The following CDH13 variants were observed in gnomAD, a reference collection of about 807,000 sequenced individuals.
CDH13 encodes the protein cadherin-13.
In CDH13, 24 loss-of-function variants were observed where a neutral mutation model predicts 63.8. The ratio of observed to expected loss-of-function variants is 0.38; its 90% CI spans 0.27 to 0.53. The LOEUF is 0.53. CDH13 is among the 20% of genes least tolerant of loss of function. The pLI is 0.85. For missense variants in CDH13, 1,049 were observed against 903.1 expected (o/e 1.16, Z -2.07); for synonymous variants, 503 against 355.3 (o/e 1.42, Z -4.67).
intron 1 of CDH13, among the ~76,000 whole-genome samples, chr16:82,756,307 CCTT>C (rs2151076570): frequency 6.6e-6 from 1 of 152,146 alleles, no homozygotes; most frequent in African/African-American, 2.4e-5. Flanking sequence ...AAAGTGATAT[CCTT>C]CTGATAGGGA....
At chr16:83,229,698 G>A (rs2039948803) in intron 5 of CDH13, among the ~76,000 whole-genome samples, 1 of 152,142 alleles carries the variant, frequency 6.6e-6, no homozygotes, top group Admixed American at 6.5e-5. Flanking sequence ...CAAAGGTGCA[G>A]ATGTTTGCAT....
intron 3 of CDH13, among the ~76,000 whole-genome samples, chr16:83,077,832 G>T (rs59803802): frequency 2.0e-5 from 3 of 152,170 alleles, no homozygotes; most frequent in Non-Finnish European, 4.4e-5. Context: ...ACGCGTGAGA[G>T]CAGTGACGGC....
intron 7 of CDH13, among the ~76,000 whole-genome samples, chr16:83,544,993 C>T (rs938381794): frequency 6.6e-6 from 1 of 152,172 alleles, no homozygotes; most frequent in Non-Finnish European, 1.5e-5. Flanking sequence ...TGAGACTTTC[C>T]TTAAACTAAC....
At chr16:83,501,503 T>C (rs1409401002) in intron 7 of CDH13, among the ~76,000 whole-genome samples, 1 of 152,192 alleles carries the variant, frequency 6.6e-6, no homozygotes, top group Non-Finnish European at 1.5e-5. Flanking sequence ...ATCTAATAGG[T>C]GTGAGACAGT....
chr16:82,926,265 T>G (rs1407198763), intron 2 of CDH13, among the ~76,000 whole-genome samples: 7 of 149,444 alleles, frequency 4.7e-5, no homozygotes, highest in Non-Finnish European at 8.9e-5. Context: ...ATGACAGTGT[T>G]CCAGTAAAAC....
intron 4 of CDH13, among the ~76,000 whole-genome samples, chr16:83,137,010 G>A (rs1048767212): frequency 6.6e-6 from 1 of 152,244 alleles, no homozygotes; most frequent in African/African-American, 2.4e-5. Context: ...GAGTAGGGTT[G>A]ACTTCAGCAC....
chr16:83,270,184 C>T (rs538423238), intron 5 of CDH13, among the ~76,000 whole-genome samples: 81 of 152,150 alleles, frequency 5.3e-4, no homozygotes, highest in African/African-American at 1.8e-3. Flanking sequence ...TTGAAATAAG[C>T]CCAAAAAGGG....
intron 5 of CDH13, among the ~76,000 whole-genome samples, chr16:83,250,690 A>C (rs1478843973): frequency 6.6e-6 from 1 of 152,186 alleles, no homozygotes; most frequent in African/African-American, 2.4e-5. Flanking sequence ...TTAGTGAATA[A>C]ATCCAAGAGG....
intron 8 of CDH13, among the ~76,000 whole-genome samples, chr16:83,610,812 A>C (rs956021273): frequency 6.6e-6 from 1 of 152,202 alleles, no homozygotes; most frequent in Admixed American, 6.5e-5. Flanking sequence ...TTTGAAGCTT[A>C]TATGTGTTTC....
In CDH13 at chr16:82,644,774, A is replaced by C. The variant is rs909214358; in HGVS notation, c.45+17637A>C. Among the ~76,000 whole-genome samples the C allele has an allele frequency of 6.6e-6, 1 of 152,172 alleles. No homozygotes were observed. The highest frequency in any genetic ancestry group is 1.5e-5 in the Non-Finnish European group (1 of 68,034). ...GATTCTTAAAGCCTTTCCAGGTAGC[A>C]ACAGGAGATCACGCAAAGCCACGTA... is the stretch of plus-strand genomic sequence containing the variant. On this transcript the variant is annotated intron_variant, in intron 1 of 13. Coordinates refer to ENST00000567109, the MANE Select transcript of CDH13 (RefSeq NM_001257.5). The surrounding 1 kb of genome is among the most constrained non-coding windows in gnomAD (Gnocchi z 5.7).
At chr16:83,538,463 C>T (rs1382760849) in intron 7 of CDH13, among the ~76,000 whole-genome samples, 1 of 152,110 alleles carries the variant, frequency 6.6e-6, no homozygotes, top group African/African-American at 2.4e-5. Context: ...ATTGAAATGA[C>T]TTTTATGAGA....
intron 10 of CDH13, among the ~76,000 whole-genome samples, chr16:83,709,459 T>TA (rs1227520188): frequency 6.6e-6 from 1 of 152,240 alleles, no homozygotes; most frequent in East Asian, 1.9e-4. Context: ...TTTTCCACTC[T>TA]AGGGGTGCCG....
At chr16:83,288,728 G>T (rs746934961) in intron 5 of CDH13, among the ~76,000 whole-genome samples, 1 of 152,170 alleles carries the variant, frequency 6.6e-6, no homozygotes, top group Non-Finnish European at 1.5e-5. Flanking sequence ...AAATTATTTT[G>T]CCTTTCATAA....
rs2033237335 is a variant in CDH13 at position 83,081,324 on chromosome 16, CAGAGGCCTACT to C, written c.367-44058_367-44048del. ...AATGGGATAGACATGGTCTATATTT[CAGAGGCCTACT>C]AGTATACAGTTGAAGACGGGCATTG... On this transcript the variant is annotated intron_variant, in intron 3 of 13. Coordinates refer to ENST00000567109, the MANE Select transcript of CDH13 (RefSeq NM_001257.5). 5.9e-5 allele frequency among the ~76,000 whole-genome samples: 9 copies of C among 152,232 alleles called. No homozygotes were observed. The South Asian group carries it at 1.9e-3, about 32-fold the overall frequency.
chr16:83,790,556 T>A (rs553495561), intron 13 of CDH13, among the ~76,000 whole-genome samples: 2 of 152,252 alleles, frequency 1.3e-5, no homozygotes, highest in South Asian at 4.1e-4. Flanking sequence ...CCCGCCACCA[T>A]GCCTGGCTAA....
intron 4 of CDH13, among the ~76,000 whole-genome samples, chr16:83,186,518 C>T (rs8047082): frequency 0.19 from 29,163 of 151,852 alleles, 3,848 homozygotes; most frequent in African/African-American, 0.38. Context: ...TGTTGCTTTT[C>T]GTTGTCATAG....
At chr16:82,839,553 T>C (rs1339793113) in intron 1 of CDH13, among the ~76,000 whole-genome samples, 1 of 152,182 alleles carries the variant, frequency 6.6e-6, no homozygotes, top group South Asian at 2.1e-4. Context: ...CCCTGTCTCC[T>C]CCCTTGGCCC....
chr16:83,105,429 C>G (rs752111064), intron 3 of CDH13, among the ~76,000 whole-genome samples: 6 of 152,208 alleles, frequency 3.9e-5, no homozygotes, highest in Admixed American at 3.3e-4. Flanking sequence ...ACAGCCAGCA[C>G]TGCCTTCTGC....
At chr16:83,150,638 G>C (rs2036938412) in intron 4 of CDH13, among the ~76,000 whole-genome samples, 1 of 152,082 alleles carries the variant, frequency 6.6e-6, no homozygotes, top group Non-Finnish European at 1.5e-5. Context: ...TCCTTATAGA[G>C]CGTTTTTTAT....
Sources: allele counts gnomAD v4.1 joint callset (sites outside exome capture counted in the v4.1 genomes callset), GRCh38; gene constraint gnomAD v4.1.1; non-coding constraint Gnocchi (gnomAD v3.1); transcripts MANE v1.5; gene names NCBI Gene and HGNC (gene_info 2026-07-23, HGNC 2026-07-21).